Variants in FAM120C observed in about 807,000 individuals in gnomAD.
The protein encoded by FAM120C is constitutive coactivator of PPAR-gamma-like protein 2.
In FAM120C, 14 loss-of-function variants were observed where a neutral mutation model predicts 71.2. The observed-to-expected ratio is 0.20, with a 90% CI of 0.13 to 0.31. FAM120C has a LOEUF of 0.31. FAM120C is among the 10% of genes least tolerant of loss of function. The pLI, the probability that FAM120C is intolerant of heterozygous loss-of-function variation, is 1.00. For missense variants in FAM120C, 500 were observed against 879.0 expected, an observed-to-expected ratio of 0.57 and a Z score of 5.45; for synonymous variants, 354 against 353.2, an observed-to-expected ratio of 1.00 and a Z score of -0.03.
intron 4 of FAM120C, among the ~76,000 whole-genome samples, chrX:54,143,225 A>G (rs1221390325): frequency 1.8e-5 from 2 of 111,271 alleles, no homozygotes; most frequent in Non-Finnish European, 3.8e-5. Flanking sequence ...AAGATCTAAA[A>G]TTGACACCCT....
chrX:54,129,074 G>A (rs1369116848), intron 9 of FAM120C, among the ~76,000 whole-genome samples: 8 of 99,808 alleles, frequency 8.0e-5, no homozygotes, highest in Non-Finnish European at 1.2e-4. Flanking sequence ...CCAACCTCCC[G>A]GACGGGGCGG....
At chrX:54,128,618 G>A (rs1312568066) in intron 9 of FAM120C, among the ~76,000 whole-genome samples, 7 of 111,206 alleles carry the variant, frequency 6.3e-5, no homozygotes, top group African/African-American at 2.3e-4. Flanking sequence ...AGGACCCTGC[G>A]GCCTTCCGCA....
At chrX:54,164,212 G>A (rs998156463) in intron 1 of FAM120C, among the ~76,000 whole-genome samples, 23 of 111,838 alleles carry the variant, frequency 2.1e-4, no homozygotes, top group Non-Finnish European at 5.6e-5. Flanking sequence ...GATTAGAGGC[G>A]TGAGCCACCG....
At position 54,085,787 on chromosome X, in the gene FAM120C, G is replaced by T. The variant is rs2066791294; in HGVS notation, c.2767C>A (p.Pro923Thr). Residue 923 changes from proline (P) to threonine (T), a missense_variant, in exon 13 of 16, where the codon CCT (proline) becomes ACT (threonine). By Grantham distance (38) the Pro-to-Thr change is conservative (BLOSUM62 -1). Around this residue, in one of 11 missense-constraint regions of FAM120C, gnomAD observed 34 missense variants for 45.2 expected, o/e 0.75. Coordinates refer to ENST00000375180, the MANE Select transcript of FAM120C (RefSeq NM_017848.6). ...ATAGCTCGGGAATAAAGTGAAACAG[G>T]GTAGAGAGAGGGCACCATGGGAGGC... ...FVPPMVPSLY[P>T]VSLYSRAMGS... 8.3e-7 allele frequency: 1 copy of T among 1,209,581 alleles called. No individual in the cohort carries two copies. The highest frequency in any genetic ancestry group is 1.8e-5 in the African/African-American group (1 of 57,114).
intron 13 of FAM120C, among the ~76,000 whole-genome samples, chrX:54,083,355 A>C (rs782286585): frequency 3.4e-4 from 36 of 107,342 alleles, no homozygotes; most frequent in African/African-American, 1.2e-3. Flanking sequence ...TAATCCCAGC[A>C]CTTTGGGAAG....
intron 9 of FAM120C, among the ~76,000 whole-genome samples, chrX:54,129,269 C>A (rs782239472): frequency 4.0e-5 from 4 of 101,113 alleles, no homozygotes; most frequent in African/African-American, 1.5e-4. Context: ...TCAGACGGGG[C>A]GGCTGCCGGG....
Position 54,071,127 on chromosome X carries a change from A to G in FAM120C, c.*1906T>C, listed in dbSNP as rs1161404246. 1 of 112,382 alleles carries G rather than the reference A, an allele frequency of 8.9e-6. No individual in the cohort carries two copies. The highest frequency in any genetic ancestry group is 9.4e-5 in the Admixed American group (1 of 10,586). The allele number at this position is 112,382 out of a possible 1,213,427, so 9.3% of individuals were successfully genotyped here. On this transcript the variant is annotated 3_prime_UTR_variant, in exon 16 of 16. Coordinates refer to ENST00000375180, the MANE Select transcript of FAM120C (RefSeq NM_017848.6). ...AATATCACAAAGCCCAAAAGGAGGT[A>G]TATGAGGCTGGAAGCCTCAATTCCT...
At chrX:54,137,997 G>C (rs1557130886) in intron 4 of FAM120C, among the ~76,000 whole-genome samples, 1 of 111,627 alleles carries the variant, frequency 9.0e-6, no homozygotes, top group East Asian at 2.8e-4. Flanking sequence ...TCCACCAAAA[G>C]ACATGAACAA....
At chrX:54,126,310 C>A (rs1557127962) in intron 9 of FAM120C, among the ~76,000 whole-genome samples, 2 of 112,357 alleles carry the variant, frequency 1.8e-5, no homozygotes, top group African/African-American at 6.5e-5. Flanking sequence ...ACATCTTTCA[C>A]CATTAAGTAC....
chrX:54,101,801 C>T (rs186904065), intron 10 of FAM120C, among the ~76,000 whole-genome samples: 7 of 111,605 alleles, frequency 6.3e-5, no homozygotes, highest in Non-Finnish European at 9.4e-5. Flanking sequence ...GAATGGCCTT[C>T]GCTGTCCATA....
intron 11 of FAM120C, among the ~76,000 whole-genome samples, chrX:54,091,056 T>G (rs1443211816): frequency 8.9e-6 from 1 of 112,401 alleles, no homozygotes; most frequent in African/African-American, 3.2e-5. Context: ...GTCAGAAACC[T>G]TGCCATGGCC....
intron 9 of FAM120C, among the ~76,000 whole-genome samples, chrX:54,132,348 C>T (rs782726050): frequency 1.8e-5 from 2 of 109,978 alleles, no homozygotes; most frequent in Admixed American, 2.0e-4. Flanking sequence ...GCACAGCACC[C>T]GGCATTTTTT....
At chrX:54,109,342 A>C (rs2066922970) in intron 10 of FAM120C, among the ~76,000 whole-genome samples, 1 of 91,169 alleles carries the variant, frequency 1.1e-5, no homozygotes, top group African/African-American at 4.0e-5. Context: ...ACTAAGAGGC[A>C]GGGCACAGTG....
Position 54,071,835 on chromosome X carries a change from G to C in FAM120C, c.*1198C>G, listed in dbSNP as rs781990334. On this transcript the variant is annotated 3_prime_UTR_variant, in exon 16 of 16. Coordinates refer to ENST00000375180, the MANE Select transcript of FAM120C (RefSeq NM_017848.6). The stretch of plus-strand genomic sequence containing the variant: ...ATAGTTGTGAATGCACTGTGACTTA[G>C]TAAGAATTTCAGATTAAAAGTGTGG... 9.1e-6 allele frequency: 1 copy of C among 109,610 alleles called. No individual in the cohort carries two copies. The highest frequency in any genetic ancestry group is 4.0e-4 in the South Asian group (1 of 2,496). The allele number at this position is 109,610 out of a possible 1,213,427, so 9.0% of individuals were successfully genotyped here.
rs1569532782 is a variant in FAM120C, at chrX:54,133,987, C to T, written c.1676G>A (p.Gly559Glu). The T allele has an allele frequency of 8.3e-7, 1 of 1,211,323 alleles. No individual in the cohort carries two copies. Among genetic ancestry groups the T allele is most frequent in the Non-Finnish European group, 1.1e-6 (1 of 895,276 alleles). The change falls in exon 8 of 16, where the codon GGG (glycine) becomes GAG (glutamate). Residue 559 changes from glycine (G) to glutamate (E), a missense_variant. Physicochemically the swap from Gly to Glu is moderately conservative, Grantham distance 98. Around this residue, in one of 11 missense-constraint regions of FAM120C, gnomAD observed 85 missense variants for 84.9 expected, o/e 1.00. Transcript: ENST00000375180. The stretch of plus-strand genomic sequence containing the variant: ...AGTATCAACAGGCTGTGCCCAGGAC[C>T]CTCTGTCACGATTGGGATTTCCCCA... ...PEWGNPNRDR[G>E]SWAQPVDTGV... is the part of the protein sequence containing the mutation.
chrX:54,075,524 C>T (rs1339581468), intron 15 of FAM120C, among the ~76,000 whole-genome samples: 2 of 111,970 alleles, frequency 1.8e-5, no homozygotes, highest in Non-Finnish European at 3.8e-5. Flanking sequence ...GGCGGCCAGG[C>T]GCTGTGGCTC....
intron 9 of FAM120C, among the ~76,000 whole-genome samples, chrX:54,118,451 T>C (rs1557127025): frequency 1.8e-5 from 2 of 110,074 alleles, no homozygotes; most frequent in African/African-American, 6.6e-5. Context: ...AAGTCTTTAT[T>C]TCTCTAATAT....
chrX:54,138,315 C>T (rs2067104407), intron 4 of FAM120C, among the ~76,000 whole-genome samples: 2 of 107,567 alleles, frequency 1.9e-5, no homozygotes, highest in Non-Finnish European at 3.8e-5. Flanking sequence ...GCCTGAGTAA[C>T]ATGACAAAAC....
chrX:54,163,365 TACA>T (rs1175552225), intron 1 of FAM120C, among the ~76,000 whole-genome samples: 1 of 112,497 alleles, frequency 8.9e-6, no homozygotes, highest in Non-Finnish European at 1.9e-5. Context: ...GGATTTATGC[TACA>T]ACATCAATGA....
Sources: gnomAD v4.1 joint callset for allele counts (sites outside exome capture counted in the v4.1 genomes callset) on GRCh38, gnomAD v4.1.1 for gene constraint, gnomAD v4.1.1 regional missense constraint, MANE v1.5 for transcripts, NCBI Gene and HGNC (gene_info 2026-07-23, HGNC 2026-07-21) for gene names.